GLIS3: variants seen among roughly 807,000 people sequenced by gnomAD.
The protein encoded by GLIS3 is zinc finger protein GLIS3.
A neutral mutation model predicts 78.6 loss-of-function variants in GLIS3; 53 were observed. The ratio of observed to expected loss-of-function variants is 0.67; its 90% CI spans 0.54 to 0.85. The LOEUF (loss-of-function observed/expected upper bound fraction) is 0.85. Among genes scored for constraint, GLIS3 ranks in the 40% least tolerant of loss-of-function variants. GLIS3 has a pLI of 0.00. For synonymous variants in GLIS3, 684 were observed against 509.9 expected, an observed-to-expected ratio of 1.34 and a Z score of -4.60; for missense variants, 1,703 against 1,231.1, an observed-to-expected ratio of 1.38 and a Z score of -5.74.
chr9:3,833,541 G>T (rs757733555), intron 9 of GLIS3, among the ~76,000 whole-genome samples: 1 of 124,808 alleles, frequency 8.0e-6, no homozygotes, highest in African/African-American at 3.5e-5. Flanking sequence ...TAAAACCTGA[G>T]AGTGGTGGCA....
intron 2 of GLIS3, among the ~76,000 whole-genome samples, chr9:4,144,252 G>A (rs922562567): frequency 1.2e-4 from 18 of 152,140 alleles, no homozygotes; most frequent in Non-Finnish European, 1.5e-4. Flanking sequence ...AAAAGAAGGC[G>A]GATAATTCAG....
intron 4 of GLIS3, among the ~76,000 whole-genome samples, chr9:3,991,722 A>G (rs372841355): frequency 0.014 from 1,357 of 98,996 alleles, 40 homozygotes; most frequent in East Asian, 0.11. Flanking sequence ...ACGGAGTCTC[A>G]CTCTGTCGCC....
At chr9:4,284,501 T>C (rs573504605) in intron 2 of GLIS3, among the ~76,000 whole-genome samples, 14 of 152,200 alleles carry the variant, frequency 9.2e-5, no homozygotes, top group African/African-American at 2.9e-4. Flanking sequence ...GAGCAACCTA[T>C]TTTGGATGTA....
At chr9:4,418,561 T>C in the GLIS3 span, among the ~76,000 whole-genome samples, 1 of 152,080 alleles carries the variant, frequency 6.6e-6, no homozygotes, top group East Asian at 1.9e-4. Context: ...CAGCTGGGCG[T>C]AGTGGCAGGT....
intron 2 of GLIS3, among the ~76,000 whole-genome samples, chr9:4,194,716 C>A (rs10758566): frequency 0.44 from 66,868 of 152,028 alleles, 14,886 homozygotes; most frequent in South Asian, 0.55. Flanking sequence ...GCCCCAGTAC[C>A]TGAGAGAGGG....
chr9:3,957,979 C>T (rs374952345), intron 4 of GLIS3, among the ~76,000 whole-genome samples: 47 of 152,230 alleles, frequency 3.1e-4, no homozygotes, highest in African/African-American at 1.0e-3. Context: ...GAGGGAATTC[C>T]GTGGCAGCAA....
At chr9:4,215,750 A>T (rs925432330) in intron 2 of GLIS3, among the ~76,000 whole-genome samples, 1 of 152,180 alleles carries the variant, frequency 6.6e-6, no homozygotes, top group African/African-American at 2.4e-5. Flanking sequence ...AAGTTTCCTC[A>T]TAACATTGTG....
chr9:4,480,652 A>T, the GLIS3 span, among the ~76,000 whole-genome samples: 1 of 152,282 alleles, frequency 6.6e-6, no homozygotes, highest in East Asian at 1.9e-4. Flanking sequence ...TATCCTCAGC[A>T]TACGAACGCC....
rs193140098 is a variant in GLIS3, at chr9:3,848,982, A to T, written c.2473+7027T>A. On this transcript the variant is annotated intron_variant, in intron 9 of 10. Coordinates refer to ENST00000381971, the MANE Select transcript of GLIS3 (RefSeq NM_001042413.2). ...CTCAGGAACCACAGGAGCCGTGAACAACAGAGGGAGGGCGCCCCCTTCCCA... is the reference window on the plus strand; with the variant it reads ...CTCAGGAACCACAGGAGCCGTGAACTACAGAGGGAGGGCGCCCCCTTCCCA... Among the ~76,000 whole-genome samples the T allele has an allele frequency of 1.1e-4, 16 of 152,370 alleles. No individual in the cohort carries two copies. In the East Asian group the frequency reaches 2.1e-3, roughly 20 times the overall value.
At chr9:4,006,137 A>G (rs1397784806) in intron 4 of GLIS3, among the ~76,000 whole-genome samples, 2 of 152,052 alleles carry the variant, frequency 1.3e-5, no homozygotes, top group African/African-American at 4.8e-5. Flanking sequence ...AGCTGCCAAA[A>G]TAATTTGGGA....
At chr9:3,836,948 T>C (rs1022176215) in intron 9 of GLIS3, among the ~76,000 whole-genome samples, 31 of 152,238 alleles carry the variant, frequency 2.0e-4, no homozygotes, top group African/African-American at 7.5e-4. Context: ...ACAACAATCC[T>C]GGATCTGGAG....
At chr9:4,083,704 G>A (rs1828748451) in intron 4 of GLIS3, among the ~76,000 whole-genome samples, 1 of 152,142 alleles carries the variant, frequency 6.6e-6, no homozygotes, top group Admixed American at 6.5e-5. Flanking sequence ...AAATATCTCA[G>A]GTGTGTTTTA....
chr9:4,404,500 T>A, the GLIS3 span, among the ~76,000 whole-genome samples: 4 of 152,112 alleles, frequency 2.6e-5, no homozygotes, highest in Non-Finnish European at 5.9e-5. Context: ...TTCAAAAAAA[T>A]TAAAATAATA....
intron 2 of GLIS3, among the ~76,000 whole-genome samples, chr9:4,276,780 C>A (rs2130235562): frequency 6.6e-6 from 1 of 152,202 alleles, no homozygotes; most frequent in African/African-American, 2.4e-5. Flanking sequence ...TTATACAAAG[C>A]ATCAATAAAT....
intron 4 of GLIS3, among the ~76,000 whole-genome samples, chr9:4,026,128 T>C (rs1823320566): frequency 6.6e-6 from 1 of 152,222 alleles, no homozygotes; most frequent in African/African-American, 2.4e-5. Context: ...ACAAAGGCTT[T>C]CTTCCAACAT....
At chr9:3,840,042 T>G (rs1818618252) in intron 9 of GLIS3, among the ~76,000 whole-genome samples, 1 of 152,180 alleles carries the variant, frequency 6.6e-6, no homozygotes, top group Non-Finnish European at 1.5e-5. Flanking sequence ...ACGAATTGTG[T>G]GTCTTTGGAT....
chr9:4,465,952 G>C, the GLIS3 span, among the ~76,000 whole-genome samples: 1 of 152,162 alleles, frequency 6.6e-6, no homozygotes, highest in Non-Finnish European at 1.5e-5. Flanking sequence ...ACAGAGATGA[G>C]ACTACTTTAA....
At chr9:3,887,260 T>G (rs1822142756) in intron 7 of GLIS3, among the ~76,000 whole-genome samples, 1 of 152,166 alleles carries the variant, frequency 6.6e-6, no homozygotes, top group African/African-American at 2.4e-5. Flanking sequence ...ATCCTTGACA[T>G]GCTACCACAA....
At chr9:4,384,524 C>T in the GLIS3 span, among the ~76,000 whole-genome samples, 15 of 146,674 alleles carry the variant, frequency 1.0e-4, no homozygotes, top group Non-Finnish European at 1.8e-4. Flanking sequence ...TCCTTCTTTT[C>T]TTCCTTACTT....
Sources: gnomAD v4.1 joint callset for allele counts (sites outside exome capture counted in the v4.1 genomes callset) on GRCh38, gnomAD v4.1.1 for gene constraint, MANE v1.5 for transcripts, NCBI Gene and HGNC (gene_info 2026-07-23, HGNC 2026-07-21) for gene names.